ENTR1: variants seen among roughly 807,000 people sequenced by gnomAD.
ENTR1 encodes endosome-associated-trafficking regulator 1.
Under a neutral mutation model 47.9 loss-of-function variants are expected in ENTR1, and 47 were observed. That is an observed-to-expected ratio of 0.98 (90% CI 0.78 to 1.25). ENTR1 has a LOEUF of 1.25. ENTR1 is among the 50% of genes most tolerant of loss of function. ENTR1 has a pLI of 0.00. For missense variants in ENTR1, 668 were observed against 570.5 expected (o/e 1.17, Z -1.74); for synonymous variants, 290 against 245.8 (o/e 1.18, Z -1.68).
chr9:136,410,533 G>T lies in ENTR1; in HGVS notation c.-136C>A, dbSNP rs1835056919. 9.4e-7 allele frequency: 1 copy of T among 1,063,698 alleles called. No individual in the cohort carries two copies. The highest frequency in any genetic ancestry group is 1.2e-6 in the Non-Finnish European group (1 of 847,320). 65.9% of individuals were successfully genotyped at this position (1,063,698 alleles called of 1,614,324 possible). On this transcript the variant is annotated 5_prime_UTR_variant, in exon 1 of 10. Coordinates refer to ENST00000357365, the MANE Select transcript of ENTR1 (RefSeq NM_001039707.2). The stretch of plus-strand genomic sequence containing the variant: ...TCGCCCGCCGCTCGGCCGCCCCCGC[G>T]CCTCCGAGCCTCTCGCCGCTGCTTC...
rs754705615 is a variant in ENTR1 at position 136,407,305 on chromosome 9, T to C, written c.659A>G (p.Glu220Gly). The change falls in exon 5 of 10, where the codon GAG (glutamate) becomes GGG (glycine). Residue 220 changes from glutamate (E) to glycine (G), a missense_variant. Coordinates refer to ENST00000357365, the MANE Select transcript of ENTR1 (RefSeq NM_001039707.2). ...GGGCAGAGACTCAGGCCCTGCCAGC[T>C]CCGACGGGGTGGAGAAAAAGGAAAG... The part of the protein sequence containing the change: ...TYLSFFSTPS[E>G]LAGPESLPSW... The C allele has an allele frequency of 2.2e-5, 35 of 1,611,604 alleles. No individual in the cohort carries two copies. In the South Asian group the frequency reaches 2.4e-4, roughly 11 times the overall value.
rs1175916202 is a variant in ENTR1, at chr9:136,406,963, T to A, written c.819+182A>T. 4.8e-6 allele frequency: 3 copies of A among 622,330 alleles called. No homozygotes were observed. The Admixed American group carries it at 9.6e-5, about 20-fold the overall frequency. 38.6% of individuals were successfully genotyped at this position (622,330 alleles called of 1,614,324 possible). On this transcript the variant is annotated intron_variant, in intron 5 of 9. Transcript: ENST00000357365. ...TAGCTCACCAGTCCTCTTTAGCCGG[T>A]TCTATTCCCACGTGTAACCAGAAGC...
In ENTR1 at chr9:136,407,930, A is replaced by G. The variant is rs554959622; in HGVS notation, c.298T>C (p.Phe100Leu). The change falls in exon 4 of 10, where the codon TTT (phenylalanine) becomes CTT (leucine). Residue 100 changes from phenylalanine to leucine, a missense_variant. Transcript: ENST00000357365. ...GGATTTGCCTCTTCCAGATCTTCAA[A>G]TCTGTCATCTGAAATAACAGACATC... ...AHGTHFGDDR[F>L]EDLEEANPFS... The G allele has an allele frequency of 6.3e-7, 1 of 1,593,410 alleles. No individual in the cohort carries two copies.
In ENTR1 at chr9:136,402,669, G is replaced by C; in HGVS notation, c.*119C>G. ...TGAGGGCACGACACTGGACTCTTGC[G>C]ATCAACACTTTACTCTGGGTGAAGA... On this transcript the variant is annotated 3_prime_UTR_variant, in exon 10 of 10. Transcript: ENST00000357365. 1 of 694,980 alleles carries C rather than the reference G, an allele frequency of 1.4e-6. No homozygotes were observed. Among genetic ancestry groups the C allele is most frequent in the Non-Finnish European group, 2.5e-6 (1 of 403,832 alleles). 43.1% of individuals were successfully genotyped at this position (694,980 alleles called of 1,614,324 possible).
At chr9:136,406,424 G>A (rs11145912) in intron 5 of ENTR1, among the ~76,000 whole-genome samples, 54,490 of 151,508 alleles carry the variant, frequency 0.36, 10,527 homozygotes, top group Admixed American at 0.48. Flanking sequence ...AGCCGAGATC[G>A]TGCCACTCCA....
chr9:136,402,902 G>C lies in ENTR1; in HGVS notation c.1209-15C>G. 1.3e-6 allele frequency: 2 copies of C among 1,593,892 alleles called. No homozygotes were observed. The highest frequency in any genetic ancestry group is 1.7e-6 in the Non-Finnish European group (2 of 1,165,504). ...AAACCAGTTGCCTGAAAACAAGCAT[G>C]GATATCAGGATGGGTGGCAGCAGCT... On this transcript the variant is annotated splice_polypyrimidine_tract_variant and intron_variant, in intron 9 of 9. Transcript: ENST00000357365.
intron 7 of ENTR1, 142 bp downstream of exon 7, chr9:136,404,949 C>T (rs1031964718): frequency 1.7e-5 from 12 of 718,490 alleles, no homozygotes; most frequent in Middle Eastern, 4.0e-4. Context: ...AGCGAGACAG[C>T]GACGTCAAAG....
intron 2 of ENTR1, chr9:136,409,858 C>G: frequency 1.5e-6 from 1 of 679,284 alleles, no homozygotes; most frequent in Non-Finnish European, 2.8e-6. Flanking sequence ...GGCTCCTGTG[C>G]TCCCCGGGCA....
In ENTR1 at chr9:136,404,192, C is replaced by T. The variant is rs567797172; in HGVS notation, c.1071G>A (p.Ala357=). 25 of 1,605,570 alleles carry T rather than the reference C, an allele frequency of 1.6e-5. No individual in the cohort carries two copies. The highest frequency in any genetic ancestry group is 1.0e-4 in the Admixed American group (6 of 58,948). ...TCTCTCGCTGGAAGTTGGAGACCTGCGCCTGGGGGGACGGTTACGGCTAAG... is the reference window on the plus strand; with the variant it reads ...TCTCTCGCTGGAAGTTGGAGACCTGTGCCTGGGGGGACGGTTACGGCTAAG... ...KLKQEISLLQ[A]QVSNFQRENE... Residue 357 remains alanine (A), a splice_region_variant and synonymous_variant, in exon 9 of 10, where the codon GCG becomes GCA. Transcript: ENST00000357365.
Position 136,410,584 on chromosome 9 carries a change from C to T in ENTR1, c.-187G>A, listed in dbSNP as rs190609943. 4 of 1,213,494 alleles carry T rather than the reference C, an allele frequency of 3.3e-6. No individual in the cohort carries two copies. The highest frequency in any genetic ancestry group is 3.0e-5 in the East Asian group (1 of 33,840). The allele number at this position is 1,213,494 out of a possible 1,614,324, so 75.2% of individuals were successfully genotyped here. On this transcript the variant is annotated 5_prime_UTR_variant, in exon 1 of 10. Coordinates refer to ENST00000357365, the MANE Select transcript of ENTR1 (RefSeq NM_001039707.2). ...CGCTCCGAGCACCGAAAGCGCGTGC[C>T]TGAACGCCTTGGGCCGTCGGCGAGG... is the stretch of plus-strand genomic sequence containing the variant.
rs1270151599 is a variant in ENTR1 at position 136,410,133 on chromosome 9, C to T, written c.177G>A (p.Met59Ile). ...SPFFGIRPAF[M>I]CYVPSPVLAS... ...CCAGCACCGGGCTGGGCACATAGCACATAAAGGCCGGCCGAATGCCGAAGA... is the reference window on the plus strand; with the variant it reads ...CCAGCACCGGGCTGGGCACATAGCATATAAAGGCCGGCCGAATGCCGAAGA... Residue 59 changes from methionine (M) to isoleucine (I), a missense_variant, in exon 2 of 10, where the codon ATG becomes ATA. Transcript: ENST00000357365. The T allele has an allele frequency of 6.2e-7, 1 of 1,612,834 alleles. No homozygotes were observed. The highest frequency in any genetic ancestry group is 8.5e-7 in the Non-Finnish European group (1 of 1,179,960).
Position 136,410,558 on chromosome 9 carries a change from C to T in ENTR1, c.-161G>A. The T allele has an allele frequency of 2.6e-6, 3 of 1,141,728 alleles. No individual in the cohort carries two copies. The highest frequency in any genetic ancestry group is 3.3e-6 in the Non-Finnish European group (3 of 905,214). 70.7% of individuals were successfully genotyped at this position (1,141,728 alleles called of 1,614,324 possible). Reference sequence around the variant, plus strand: ...GCCTCCGAGCCTCTCGCCGCTGCTTCCGCTCCGAGCACCGAAAGCGCGTGC... The same window carrying T: ...GCCTCCGAGCCTCTCGCCGCTGCTTTCGCTCCGAGCACCGAAAGCGCGTGC... On this transcript the variant is annotated 5_prime_UTR_variant, in exon 1 of 10. Coordinates refer to ENST00000357365, the MANE Select transcript of ENTR1 (RefSeq NM_001039707.2).
chr9:136,402,860 C>T lies in ENTR1; in HGVS notation c.1236G>A (p.Leu412=). 6.2e-7 allele frequency: 1 copy of T among 1,612,340 alleles called. No individual in the cohort carries two copies. Among genetic ancestry groups the T allele is most frequent in the Non-Finnish European group, 8.5e-7 (1 of 1,179,786 alleles). ...ATTTAAGGATTTCGGCAACAAGATTCAGTGTCTCAGCTCCGGAAACCAGTT... is the reference window on the plus strand; with the variant it reads ...ATTTAAGGATTTCGGCAACAAGATTTAGTGTCTCAGCTCCGGAAACCAGTT... ...IKQLVSGAET[L]NLVAEILKSI... Residue 412 remains leucine (L), a synonymous_variant, in exon 10 of 10, where the codon CTG becomes CTA. Coordinates refer to ENST00000357365, the MANE Select transcript of ENTR1 (RefSeq NM_001039707.2).
At chr9:136,403,287 G>A (rs895058300) in intron 9 of ENTR1, among the ~76,000 whole-genome samples, 2 of 136,808 alleles carry the variant, frequency 1.5e-5, no homozygotes, top group African/African-American at 5.5e-5. Flanking sequence ...GGGAGAAACA[G>A]AAGGGGTCCC....
rs769449447 is a variant in ENTR1 at position 136,407,914 on chromosome 9, T to C, written c.314A>G (p.Glu105Gly). The change falls in exon 4 of 10, where the codon GAG becomes GGG. Residue 105 changes from glutamate (E) to glycine (G), a missense_variant. Glu to Gly is a moderately conservative substitution (Grantham distance 98). Transcript: ENST00000357365. ...CTCTCTAAAAGAGAATGGATTTGCC[T>C]CTTCCAGATCTTCAAATCTGTCATC... is the stretch of plus-strand genomic sequence containing the variant. ...FGDDRFEDLE[E>G]ANPFSFREFL... 6.2e-7 allele frequency: 1 copy of C among 1,606,976 alleles called. No individual in the cohort carries two copies. The highest frequency in any genetic ancestry group is 1.1e-5 in the South Asian group (1 of 90,944).
chr9:136,409,227 C>T (rs989372989), intron 2 of ENTR1, among the ~76,000 whole-genome samples, 160 bp from the exon 3 acceptor site: 1 of 151,104 alleles, frequency 6.6e-6, no homozygotes, highest in African/African-American at 2.4e-5. Flanking sequence ...GTCGCCCAAG[C>T]TGGAGTGCAG....
At chr9:136,407,771 G>A in intron 4 of ENTR1, 55 bp downstream of exon 4, 3 of 1,456,054 alleles carry the variant, frequency 2.1e-6, no homozygotes, top group South Asian at 2.3e-5. Context: ...GGAGGCTGCA[G>A]AGGCCGGAAC....
At position 136,406,756 on chromosome 9, in the gene ENTR1, C is replaced by T. The variant is rs529716095; in HGVS notation, c.819+389G>A. ...CCTCCCAAAGTGCTGAGATTACAGG[C>T]GTGAGCCACGGCGCCCAGCTAAAAA... On this transcript the variant is annotated intron_variant, in intron 5 of 9. Coordinates refer to ENST00000357365, the MANE Select transcript of ENTR1 (RefSeq NM_001039707.2). 1.4e-4 allele frequency among the ~76,000 whole-genome samples: 22 copies of T among 152,230 alleles called. No homozygotes were observed. In the South Asian group the frequency reaches 3.9e-3, roughly 27 times the overall value.
rs778667971 is a variant in ENTR1 at position 136,410,159 on chromosome 9, A to AG, written c.150dup (p.Phe51LeufsTer34). ...ATAAAGGCCGGCCGAATGCCGAAGA[A>AG]GGGGGAGTCCAGGTCCCTGCCATGG... On this transcript the variant is annotated frameshift_variant, in exon 2 of 10. Transcript: ENST00000357365. LOFTEE classifies it high-confidence loss of function. The AG allele has an allele frequency of 9.3e-6, 15 of 1,612,168 alleles. No individual in the cohort carries two copies. In the Admixed American group the frequency reaches 1.3e-4, roughly 14 times the overall value.
Sources: allele counts gnomAD v4.1 joint callset (sites outside exome capture counted in the v4.1 genomes callset), GRCh38; gene constraint gnomAD v4.1.1; transcripts MANE v1.5; gene names NCBI Gene and HGNC (gene_info 2026-07-23, HGNC 2026-07-21).